Variants in RUNDC3B observed in about 807,000 individuals in gnomAD.
RUNDC3B encodes the protein RUN domain-containing protein 3B.
In RUNDC3B, 33 loss-of-function variants were observed where a neutral mutation model predicts 58.4. The observed-to-expected ratio is 0.56, with a 90% CI of 0.43 to 0.75. The LOEUF (loss-of-function observed/expected upper bound fraction) is 0.75. RUNDC3B is among the 30% of genes least tolerant of loss of function. The pLI, the probability that RUNDC3B is intolerant of heterozygous loss-of-function variation, is 0.00. For synonymous variants in RUNDC3B, 193 were observed against 195.2 expected, an observed-to-expected ratio of 0.99 and a Z score of 0.10; for missense variants, 501 against 535.7, an observed-to-expected ratio of 0.94 and a Z score of 0.64.
chr7:87,741,995 C>T (rs934881965), intron 6 of RUNDC3B, among the ~76,000 whole-genome samples: 4 of 152,110 alleles, frequency 2.6e-5, no homozygotes, highest in Non-Finnish European at 4.4e-5. Context: ...TGTAAATTGT[C>T]GGAGCTATCC....
intron 4 of RUNDC3B, among the ~76,000 whole-genome samples, chr7:87,723,803 A>G (rs1196390286): frequency 2.0e-5 from 3 of 152,184 alleles, no homozygotes; most frequent in Non-Finnish European, 4.4e-5. Flanking sequence ...TTAAGAGCTG[A>G]AAATATTTGA....
intron 8 of RUNDC3B, among the ~76,000 whole-genome samples, chr7:87,782,493 T>C (rs1834981737): frequency 6.6e-6 from 1 of 152,126 alleles, no homozygotes; most frequent in Admixed American, 6.6e-5. Flanking sequence ...ATTTCAGTTA[T>C]TTCTTTTCTT....
At chr7:87,694,023 G>T in intron 2 of RUNDC3B, 1 of 1,599,156 alleles carries the variant, frequency 6.3e-7, no homozygotes, top group South Asian at 1.1e-5. Flanking sequence ...GACTTTCGGG[G>T]GAGGGCTGTA....
chr7:87,697,242 A>G (rs2094506685), intron 2 of RUNDC3B, among the ~76,000 whole-genome samples: 1 of 152,144 alleles, frequency 6.6e-6, no homozygotes, highest in South Asian at 2.1e-4. Flanking sequence ...GGCTAATACA[A>G]TGTTGTATTT....
chr7:87,656,363 G>T (rs996659313), intron 2 of RUNDC3B, among the ~76,000 whole-genome samples: 1 of 152,084 alleles, frequency 6.6e-6, no homozygotes, highest in South Asian at 2.1e-4. Context: ...AATACGGTAT[G>T]CATTAGTAGT....
At chr7:87,775,225 T>C (rs1834554831) in intron 7 of RUNDC3B, among the ~76,000 whole-genome samples, 1 of 152,176 alleles carries the variant, frequency 6.6e-6, no homozygotes, top group South Asian at 2.1e-4. Context: ...ACAGTGATAT[T>C]GATGATCCTG....
intron 1 of RUNDC3B, among the ~76,000 whole-genome samples, chr7:87,639,387 A>T (rs1249661496): frequency 6.6e-6 from 1 of 152,084 alleles, no homozygotes; most frequent in Non-Finnish European, 1.5e-5. Flanking sequence ...TGATTGCATG[A>T]TTTATATATG....
chr7:87,748,086 C>T (rs1343163330), intron 6 of RUNDC3B, among the ~76,000 whole-genome samples: 2 of 152,198 alleles, frequency 1.3e-5, no homozygotes, highest in Non-Finnish European at 1.5e-5. Context: ...TCTGGCTGCC[C>T]TCCCTTTGGA....
intron 1 of RUNDC3B, among the ~76,000 whole-genome samples, chr7:87,649,801 G>T (rs752210194): frequency 2.0e-5 from 3 of 152,180 alleles, no homozygotes; most frequent in African/African-American, 7.2e-5. Flanking sequence ...TCATGGCAGC[G>T]GGCCTTTCCC....
chr7:87,676,559 C>A (rs186507109), intron 2 of RUNDC3B, among the ~76,000 whole-genome samples: 83 of 151,946 alleles, frequency 5.5e-4, no homozygotes, highest in African/African-American at 1.8e-3. Context: ...CAATAATTAG[C>A]CAGGTATAGT....
intron 6 of RUNDC3B, among the ~76,000 whole-genome samples, chr7:87,767,219 C>T (rs1172225128): frequency 6.6e-6 from 1 of 152,104 alleles, no homozygotes; most frequent in African/African-American, 2.4e-5. Flanking sequence ...ATTTTGAATT[C>T]TTTATTTGTC....
At chr7:87,704,356 TA>T (rs1238652483) in intron 3 of RUNDC3B, among the ~76,000 whole-genome samples, 1 of 152,224 alleles carries the variant, frequency 6.6e-6, no homozygotes, top group African/African-American at 2.4e-5. Flanking sequence ...AGATGCTACA[TA>T]AACATTCTCA....
At position 87,750,341 on chromosome 7, in the gene RUNDC3B, G is replaced by T. The variant is rs891338390; in HGVS notation, c.629+8762G>T. Reference sequence around the variant, plus strand: ...GTGAATAATGCCGCAATAAACATACGTGTGCATGTGTCTTTATAGCAGCAT... The same window carrying T: ...GTGAATAATGCCGCAATAAACATACTTGTGCATGTGTCTTTATAGCAGCAT... On this transcript the variant is annotated intron_variant, in intron 6 of 10. Transcript: ENST00000394654. Among the ~76,000 whole-genome samples, 109 of 151,516 alleles carry T rather than the reference G, an allele frequency of 7.2e-4. No homozygotes were observed. In the Middle Eastern group the frequency reaches 0.014, roughly 19 times the overall value.
At chr7:87,760,599 A>G (rs1275157363) in intron 6 of RUNDC3B, among the ~76,000 whole-genome samples, 1 of 152,084 alleles carries the variant, frequency 6.6e-6, no homozygotes, top group Non-Finnish European at 1.5e-5. Context: ...TCCAGTAATC[A>G]AAACAATATG....
chr7:87,753,050 T>C (rs1245991759), intron 6 of RUNDC3B, among the ~76,000 whole-genome samples: 1 of 152,216 alleles, frequency 6.6e-6, no homozygotes, highest in East Asian at 1.9e-4. Flanking sequence ...GCTTTGAATG[T>C]GTCCCAGAGA....
chr7:87,794,533 A>G (rs1835704070), intron 8 of RUNDC3B, among the ~76,000 whole-genome samples: 1 of 152,150 alleles, frequency 6.6e-6, no homozygotes, highest in Non-Finnish European at 1.5e-5. Context: ...GGATTAGGAT[A>G]ATCAATATTA....
At chr7:87,695,095 C>A (rs1828386860) in intron 2 of RUNDC3B, among the ~76,000 whole-genome samples, 1 of 152,034 alleles carries the variant, frequency 6.6e-6, no homozygotes, top group South Asian at 2.1e-4. Context: ...AATGTAAGTA[C>A]AATTGAGTAT....
intron 4 of RUNDC3B, among the ~76,000 whole-genome samples, chr7:87,737,182 G>A (rs1170487583): frequency 6.6e-6 from 1 of 151,790 alleles, no homozygotes; most frequent in African/African-American, 2.4e-5. Context: ...ACAGGCATGA[G>A]CCACCAGGCC....
rs376285850 is a variant in RUNDC3B at position 87,658,831 on chromosome 7, C to T, written c.238+7894C>T. Among the ~76,000 whole-genome samples the T allele has an allele frequency of 2.8e-4, 42 of 152,160 alleles. No homozygotes were observed. In the South Asian group the frequency reaches 7.7e-3, roughly 28 times the overall value. ...AAAGACAACTAAGGAAATGTGTTGC[C>T]GGCAGACTTACCCTCAAATAATGGT... is the stretch of plus-strand genomic sequence containing the variant. On this transcript the variant is annotated intron_variant, in intron 2 of 10. Transcript: ENST00000394654.
Sources: gnomAD v4.1 joint callset for allele counts (sites outside exome capture counted in the v4.1 genomes callset) on GRCh38, gnomAD v4.1.1 for gene constraint, MANE v1.5 for transcripts, NCBI Gene and HGNC (gene_info 2026-07-23, HGNC 2026-07-21) for gene names.